PPIP5K2: variants seen among roughly 807,000 people sequenced by gnomAD.
PPIP5K2 encodes the protein diphosphoinositol pentakisphosphate kinase 2.
PPIP5K2 carries 105 observed loss-of-function variants against 154.6 expected under a neutral mutation model. The ratio of observed to expected loss-of-function variants is 0.68; its 90% CI spans 0.58 to 0.80. PPIP5K2 has a LOEUF of 0.80. PPIP5K2 is among the 30% of genes least tolerant of loss of function. The pLI is 0.00. For synonymous variants in PPIP5K2, 480 were observed against 490.3 expected (o/e 0.98, Z 0.28); for missense variants, 992 against 1,504.6 (o/e 0.66, Z 5.64).
intron 16 of PPIP5K2, among the ~76,000 whole-genome samples, 187 bp from the exon 17 acceptor site, chr5:103,158,959 G>A (rs1554214698): frequency 1.3e-5 from 2 of 151,850 alleles, no homozygotes; most frequent in African/African-American, 4.8e-5. Context: ...TTTAACCAAG[G>A]AATATTTAAA....
chr5:103,151,375 G>C lies in PPIP5K2; in HGVS notation c.1028+1G>C. 1.3e-6 allele frequency: 2 copies of C among 1,591,032 alleles called. No homozygotes were observed. Among genetic ancestry groups the C allele is most frequent in the Non-Finnish European group, 1.7e-6 (2 of 1,169,406 alleles). On this transcript the variant is annotated splice_donor_variant, in intron 9 of 30. Coordinates refer to ENST00000358359, the MANE Select transcript of PPIP5K2 (RefSeq NM_001276277.3). LOFTEE classifies it high-confidence loss of function. Reference sequence around the variant, plus strand: ...ATGATGACTGTGCAAAAATACTTGGGTAAGAATTTTTAAATTTTTCTTTTT... The same window carrying C: ...ATGATGACTGTGCAAAAATACTTGGCTAAGAATTTTTAAATTTTTCTTTTT...
chr5:103,154,712 G>A lies in PPIP5K2; in HGVS notation c.1260G>A (p.Gly420=). Residue 420 remains glycine (G), a synonymous_variant, in exon 12 of 31, where the codon GGG becomes GGA. Transcript: ENST00000358359. The stretch of plus-strand genomic sequence containing the variant: ...AAAAGTGTGATGGATATAAATCAGG[G>A]AAATTAAAACTCAAAAAACCAAAAC... The part of the protein sequence containing the change: ...LFEKCDGYKS[G]KLKLKKPKQL... 6.3e-7 allele frequency: 1 copy of A among 1,582,116 alleles called. No homozygotes were observed. The highest frequency in any genetic ancestry group is 1.2e-5 in the South Asian group (1 of 85,436).
intron 23 of PPIP5K2, among the ~76,000 whole-genome samples, chr5:103,178,205 G>A (rs1250707039): frequency 3.3e-5 from 5 of 151,890 alleles, no homozygotes; most frequent in African/African-American, 4.8e-5. Flanking sequence ...TTTTAAGGCC[G>A]TGTTTAGAAT....
At chr5:103,167,926 G>T in intron 18 of PPIP5K2, 146 bp from the exon 19 acceptor site, 1 of 507,374 alleles carries the variant, frequency 2.0e-6, no homozygotes, top group Non-Finnish European at 3.4e-6. Context: ...ATATATGGTT[G>T]CTAGTAGCGT....
chr5:103,152,565 T>C, intron 9 of PPIP5K2, 83 bp from the exon 10 acceptor site: 1 of 780,536 alleles, frequency 1.3e-6, no homozygotes, highest in East Asian at 2.6e-5. Flanking sequence ...GTTTAACTCT[T>C]ATGATTCTCT....
intron 24 of PPIP5K2, among the ~76,000 whole-genome samples, chr5:103,180,773 C>T (rs1271725569): frequency 7.3e-5 from 11 of 151,176 alleles, no homozygotes; most frequent in Admixed American, 7.3e-4. Context: ...TGACGTGAAT[C>T]CAGGAGGCAG....
chr5:103,163,067 A>C (rs1198878567), intron 17 of PPIP5K2, among the ~76,000 whole-genome samples: 4 of 147,250 alleles, frequency 2.7e-5, no homozygotes, highest in African/African-American at 1.0e-4. Flanking sequence ...CAACACCCCA[A>C]ATGGATCCTT....
At chr5:103,122,245 C>T (rs548262079) in intron 1 of PPIP5K2, among the ~76,000 whole-genome samples, 190 of 152,232 alleles carry the variant, frequency 1.2e-3, no homozygotes, top group Middle Eastern at 3.4e-3. Context: ...AAAAACCCAA[C>T]CCTGATGGAA....
chr5:103,153,472 A>T (rs1186383028), intron 10 of PPIP5K2, among the ~76,000 whole-genome samples: 1 of 152,014 alleles, frequency 6.6e-6, no homozygotes, highest in South Asian at 2.1e-4. Flanking sequence ...AGCAACCATC[A>T]TGTAAAGTTT....
rs535216465 is a variant in PPIP5K2 at position 103,151,444 on chromosome 5, T to A, written c.1028+70T>A. 4 of 1,274,836 alleles carry A rather than the reference T, an allele frequency of 3.1e-6. No individual in the cohort carries two copies. In the African/African-American group the frequency reaches 6.0e-5, roughly 19 times the overall value. 79.0% of individuals were successfully genotyped at this position (1,274,836 alleles called of 1,614,324 possible). A position where few individuals can be genotyped will look rare whatever the true frequency, so the allele number is the denominator to read the frequency against. On this transcript the variant is annotated intron_variant, in intron 9 of 30. Coordinates refer to ENST00000358359, the MANE Select transcript of PPIP5K2 (RefSeq NM_001276277.3). ...TTCAGAAACCAAATAACTGTTAACATTAAATGATCAGGGTTTTTAAGCATT... is the reference window on the plus strand; with the variant it reads ...TTCAGAAACCAAATAACTGTTAACAATAAATGATCAGGGTTTTTAAGCATT...
At chr5:103,193,232 G>T (rs1801528364) in intron 29 of PPIP5K2, among the ~76,000 whole-genome samples, 1 of 152,100 alleles carries the variant, frequency 6.6e-6, no homozygotes, top group South Asian at 2.1e-4. Context: ...TAGGGTGCCA[G>T]TTATGATGAA....
In PPIP5K2 at chr5:103,206,581, G is replaced by A. The variant is rs1177246522; in HGVS notation, c.*4947G>A. The A allele has an allele frequency of 2.6e-5, 4 of 152,230 alleles. No homozygotes were observed. The highest frequency in any genetic ancestry group is 2.0e-4 in the Admixed American group (3 of 15,280). 9.4% of individuals were successfully genotyped at this position (152,230 alleles called of 1,614,324 possible). ...ATAAAATTCTACATCATAGGAAGCT[G>A]TTCCATGCATAGCAGCATGTCTAGT... is the stretch of plus-strand genomic sequence containing the variant. On this transcript the variant is annotated 3_prime_UTR_variant, in exon 31 of 31. Transcript: ENST00000358359.
At chr5:103,181,216 C>T (rs1799484168) in intron 24 of PPIP5K2, among the ~76,000 whole-genome samples, 1 of 151,858 alleles carries the variant, frequency 6.6e-6, no homozygotes, top group Non-Finnish European at 1.5e-5. Context: ...GGATGAGTCT[C>T]CCAGCACTGA....
At chr5:103,128,592 A>G (rs1790105106) in intron 1 of PPIP5K2, among the ~76,000 whole-genome samples, 1 of 152,072 alleles carries the variant, frequency 6.6e-6, no homozygotes, top group African/African-American at 2.4e-5. Flanking sequence ...TTTAACTGAT[A>G]CTCATGGACG....
chr5:103,141,099 C>G (rs547273993), intron 5 of PPIP5K2, among the ~76,000 whole-genome samples: 1 of 152,072 alleles, frequency 6.6e-6, no homozygotes, highest in Non-Finnish European at 1.5e-5. Flanking sequence ...TTTGGGAGGC[C>G]GAGGTGGGTG....
At chr5:103,136,455 T>G (rs548480281) in intron 3 of PPIP5K2, among the ~76,000 whole-genome samples, 73 of 152,326 alleles carry the variant, frequency 4.8e-4, no homozygotes, top group Non-Finnish European at 8.8e-5. Context: ...CTTACCTTAT[T>G]TCAGGTGACT....
intron 17 of PPIP5K2, among the ~76,000 whole-genome samples, chr5:103,165,153 A>G (rs1234122117): frequency 6.6e-6 from 1 of 152,154 alleles, no homozygotes; most frequent in Non-Finnish European, 1.5e-5. Flanking sequence ...CCATTAAGTT[A>G]GAGTGTTGCT....
chr5:103,197,096 T>C (rs908511389), intron 30 of PPIP5K2, among the ~76,000 whole-genome samples: 2 of 152,168 alleles, frequency 1.3e-5, no homozygotes, highest in Non-Finnish European at 2.9e-5. Flanking sequence ...GAAATTTGCA[T>C]CTGCGTTTGT....
At position 103,205,756 on chromosome 5, in the gene PPIP5K2, A is replaced by T. The variant is rs1241691010; in HGVS notation, c.*4122A>T. 1.3e-5 allele frequency: 2 copies of T among 152,124 alleles called. No individual in the cohort carries two copies. The highest frequency in any genetic ancestry group is 2.9e-5 in the Non-Finnish European group (2 of 68,016). 9.4% of individuals were successfully genotyped at this position (152,124 alleles called of 1,614,324 possible). ...ATAAATTCATGAATGCTAGATTTTC[A>T]TTATAGGTTTTACCTTATCATTATT... On this transcript the variant is annotated 3_prime_UTR_variant, in exon 31 of 31. Coordinates refer to ENST00000358359, the MANE Select transcript of PPIP5K2 (RefSeq NM_001276277.3).
Sources: gnomAD v4.1 joint callset for allele counts (sites outside exome capture counted in the v4.1 genomes callset) on GRCh38, gnomAD v4.1.1 for gene constraint, MANE v1.5 for transcripts, NCBI Gene and HGNC (gene_info 2026-07-23, HGNC 2026-07-21) for gene names.